The following CSAD variants were observed in gnomAD, a reference collection of about 807,000 sequenced individuals.
CSAD encodes the protein cysteine sulfinic acid decarboxylase, also known as P-selectin cytoplasmic tail-associated protein.
In CSAD, 47 loss-of-function variants were observed where a neutral mutation model predicts 61.5. The ratio of observed to expected loss-of-function variants is 0.76; its 90% CI spans 0.60 to 0.97. The LOEUF (loss-of-function observed/expected upper bound fraction) is 0.97. Ranked by LOEUF, CSAD falls within the 50% of genes least tolerant of loss-of-function variation. The pLI is 0.00. For missense variants in CSAD, 611 were observed against 643.6 expected, an observed-to-expected ratio of 0.95 and a Z score of 0.55; for synonymous variants, 245 against 252.7, an observed-to-expected ratio of 0.97 and a Z score of 0.29.
Position 53,158,460 on chromosome 12 carries a change from G to A in CSAD, c.*51C>T. On this transcript the variant is annotated 3_prime_UTR_variant, in exon 17 of 17. Coordinates refer to ENST00000444623, the MANE Select transcript of CSAD (RefSeq NM_001244705.2). The stretch of plus-strand genomic sequence containing the variant: ...CTCAAAGGCTGGGAGGGAATGCAGT[G>A]ACTCTGCGGGTGAGGGGTGGTATCA... 1 of 1,571,898 alleles carries A rather than the reference G, an allele frequency of 6.4e-7. No homozygotes were observed. The highest frequency in any genetic ancestry group is 8.7e-7 in the Non-Finnish European group (1 of 1,150,186).
intron 10 of CSAD, among the ~76,000 whole-genome samples, chr12:53,165,340 C>CA (rs796689073): frequency 0.033 from 4,741 of 143,258 alleles, 217 homozygotes; most frequent in African/African-American, 0.11. Flanking sequence ...GACCCTCTCT[C>CA]AAAAAAAAAA....
chr12:53,172,210 GA>G, intron 6 of CSAD, 135 bp downstream of exon 6: 2 of 909,842 alleles, frequency 2.2e-6, no homozygotes, highest in Middle Eastern at 4.6e-4. Context: ...AGGATATGAG[GA>G]AAAACTCTCT....
rs1037255478 is a variant in CSAD, at chr12:53,172,656, G to A, written c.127-8C>T. On this transcript the variant is annotated splice_region_variant and splice_polypyrimidine_tract_variant and intron_variant, in intron 4 of 16. Transcript: ENST00000444623. ...CTCCTTCCACTCACAGACCTAGGAAGAGAGCCGGGGATGCTGGGGGCCTGG... is the reference window on the plus strand; with the variant it reads ...CTCCTTCCACTCACAGACCTAGGAAAAGAGCCGGGGATGCTGGGGGCCTGG... 2 of 1,602,082 alleles carry A rather than the reference G, an allele frequency of 1.2e-6. No individual in the cohort carries two copies. Among genetic ancestry groups the A allele is most frequent in the Admixed American group, 1.7e-5 (1 of 59,092 alleles).
Position 53,158,557 on chromosome 12 carries a change from A to G in CSAD, c.1436T>C (p.Met479Thr), listed in dbSNP as rs748898085. ...VANSALTCAD[M>T]DFLLNELERL... ...CTCCAGCTCGTTGAGGAGGAAGTCC[A>G]TATCAGCACAGGTCAGTGCAGAGTT... The change falls in exon 17 of 17, where the codon ATG (methionine) becomes ACG (threonine). Residue 479 changes from methionine (M) to threonine (T), a missense_variant. By Grantham distance (81) the Met-to-Thr change is moderately conservative (BLOSUM62 -1). Coordinates refer to ENST00000444623, the MANE Select transcript of CSAD (RefSeq NM_001244705.2). 3.3e-5 allele frequency: 53 copies of G among 1,613,306 alleles called. No individual in the cohort carries two copies. The highest frequency in any genetic ancestry group is 1.6e-4 in the Middle Eastern group (1 of 6,082).
rs1358884334 is a variant in CSAD, at chr12:53,180,818, C to T, written c.-177G>A. 3 of 1,270,154 alleles carry T rather than the reference C, an allele frequency of 2.4e-6. No homozygotes were observed. Among genetic ancestry groups the T allele is most frequent in the East Asian group, 6.5e-5 (1 of 15,292 alleles). 78.7% of individuals were successfully genotyped at this position (1,270,154 alleles called of 1,614,324 possible). On this transcript the variant is annotated 5_prime_UTR_variant, in exon 1 of 17. Transcript: ENST00000444623. ...AGGCGCCGCGCGGCCAGGGAGCCAG[C>T]GGGAGGCCGCGCCTGGCAGGTAGGA...
intron 8 of CSAD, 59 bp downstream of exon 8, chr12:53,171,267 C>T: frequency 6.2e-7 from 1 of 1,611,350 alleles, no homozygotes; most frequent in Non-Finnish European, 8.5e-7. Flanking sequence ...AAGGTCTCTA[C>T]TTAGCTGGCT....
intron 4 of CSAD, among the ~76,000 whole-genome samples, chr12:53,172,911 G>C (rs1177212454): frequency 6.6e-6 from 1 of 152,208 alleles, no homozygotes; most frequent in African/African-American, 2.4e-5. Context: ...TTTGGAAAGA[G>C]AAAGAGAAGG....
At chr12:53,169,463 G>C (rs1245456169) in intron 10 of CSAD, among the ~76,000 whole-genome samples, 1 of 147,008 alleles carries the variant, frequency 6.8e-6, no homozygotes, top group Non-Finnish European at 1.5e-5. Context: ...TGGGCAACAG[G>C]AGTGAAACTC....
At chr12:53,173,223 A>C (rs1170130045) in intron 4 of CSAD, 122 bp downstream of exon 4, 3 of 930,376 alleles carry the variant, frequency 3.2e-6, no homozygotes, top group Non-Finnish European at 4.8e-6. Flanking sequence ...AAAGGAAGAA[A>C]GGAAAAAAGG....
chr12:53,161,037 C>T, intron 12 of CSAD, 90 bp downstream of exon 12: 2 of 1,378,894 alleles, frequency 1.5e-6, no homozygotes, highest in Non-Finnish European at 2.0e-6. Context: ...CAGCCTCCTA[C>T]CCCAGCCATG....
intron 2 of CSAD, among the ~76,000 whole-genome samples, chr12:53,174,132 G>A (rs373344167): frequency 1.3e-3 from 201 of 151,860 alleles, no homozygotes; most frequent in African/African-American, 4.6e-3. Context: ...GTGAAACCCC[G>A]TCTCTACTAA....
intron 2 of CSAD, among the ~76,000 whole-genome samples, chr12:53,176,395 A>C (rs1941107096): frequency 6.8e-6 from 1 of 147,734 alleles, no homozygotes; most frequent in African/African-American, 2.5e-5. Flanking sequence ...GGGCAGCAAG[A>C]GCAAAATTCC....
intron 10 of CSAD, among the ~76,000 whole-genome samples, chr12:53,168,209 G>C (rs779101435): frequency 3.9e-5 from 6 of 152,154 alleles, no homozygotes; most frequent in Non-Finnish European, 8.8e-5. Flanking sequence ...CCTAGAACTG[G>C]GAGCTTTGGG....
chr12:53,172,730 C>T lies in CSAD; in HGVS notation c.127-82G>A, dbSNP rs73309142. The stretch of plus-strand genomic sequence containing the variant: ...ACCACACCTCCACAGACACGAGACA[C>T]GGCCAACCTGCACTAAAAACAACTT... On this transcript the variant is annotated intron_variant, in intron 4 of 16. Transcript: ENST00000444623. 866 of 1,444,210 alleles carry T rather than the reference C, an allele frequency of 6.0e-4. 4 individuals are homozygous for T. The African/African-American group carries it at 0.01, about 17-fold the overall frequency. 89.5% of individuals were successfully genotyped at this position (1,444,210 alleles called of 1,614,324 possible). A position where few individuals can be genotyped will look rare whatever the true frequency, so the allele number is the denominator to read the frequency against.
intron 10 of CSAD, among the ~76,000 whole-genome samples, chr12:53,168,888 A>T (rs1218315846): frequency 6.6e-6 from 1 of 152,148 alleles, no homozygotes; most frequent in East Asian, 1.9e-4. Context: ...TTTTTTTTTA[A>T]AACATTTATG....
chr12:53,178,299 CCT>C (rs1941258320), intron 2 of CSAD: 5 of 450,592 alleles, frequency 1.1e-5, no homozygotes, highest in South Asian at 4.7e-5. Context: ...ATGGCAAAAC[CCT>C]GTCTCTACAA....
intron 12 of CSAD, 112 bp downstream of exon 12, chr12:53,161,015 T>C: frequency 3.4e-6 from 4 of 1,193,516 alleles, no homozygotes; most frequent in Non-Finnish European, 4.9e-6. Flanking sequence ...CTCTCTCCAG[T>C]CCCCCTCCCC....
chr12:53,170,339 G>A, intron 9 of CSAD, 84 bp downstream of exon 9: 1 of 1,266,976 alleles, frequency 7.9e-7, no homozygotes, highest in Non-Finnish European at 1.2e-6. Context: ...CCAGCGGTAA[G>A]GGTCTGATGC....
intron 1 of CSAD, chr12:53,180,266 C>T: frequency 1.0e-6 from 1 of 985,438 alleles, no homozygotes; most frequent in South Asian, 4.7e-5. Context: ...AGAAGAACCA[C>T]CTCGGCCGAG....
Sources: gnomAD v4.1 joint callset for allele counts (sites outside exome capture counted in the v4.1 genomes callset) on GRCh38, gnomAD v4.1.1 for gene constraint, MANE v1.5 for transcripts, NCBI Gene and HGNC (gene_info 2026-07-23, HGNC 2026-07-21) for gene names.